The following CC2D1A variants were observed in gnomAD, a reference collection of about 807,000 sequenced individuals.
The protein encoded by CC2D1A is coiled-coil and C2 domain containing 1A, also known as coiled-coil and C2 domain-containing protein 1A.
Under a neutral mutation model 123.8 loss-of-function variants are expected in CC2D1A, and 68 were observed. That is an observed-to-expected ratio of 0.55 (90% CI 0.45 to 0.67). The LOEUF (loss-of-function observed/expected upper bound fraction) is 0.67, where lower values mean the gene tolerates loss of function less well. CC2D1A is among the 30% of genes least tolerant of loss of function. The pLI is 0.00. For missense variants in CC2D1A, 1,185 were observed against 1,290.3 expected, an observed-to-expected ratio of 0.92 and a Z score of 1.25; for synonymous variants, 477 against 528.0, an observed-to-expected ratio of 0.90 and a Z score of 1.32.
At chr19:13,928,407 T>C (rs539127478) in intron 24 of CC2D1A, among the ~76,000 whole-genome samples, 2 of 152,108 alleles carry the variant, frequency 1.3e-5, no homozygotes, top group Non-Finnish European at 2.9e-5. Flanking sequence ...GGCTTCTCTC[T>C]CCCTACTCCC....
chr19:13,921,567 C>T (rs1476176398), intron 14 of CC2D1A, among the ~76,000 whole-genome samples: 1 of 152,016 alleles, frequency 6.6e-6, no homozygotes, highest in East Asian at 1.9e-4. Context: ...TAATAGGAAA[C>T]ATTTGAGGAG....
Position 13,923,462 on chromosome 19 carries a change from G to T in CC2D1A, c.1764+7G>T. On this transcript the variant is annotated splice_region_variant and intron_variant, in intron 15 of 28. Coordinates refer to ENST00000318003, the MANE Select transcript of CC2D1A (RefSeq NM_017721.5). The surrounding 1 kb of genome is among the most constrained non-coding windows in gnomAD (Gnocchi z 5.3). Reference sequence around the variant, plus strand: ...CATACGGCAGCAGCACGAGGTGAGGGGGAGGCCCCCAGCCCATCCCCCAGG... The same window carrying T: ...CATACGGCAGCAGCACGAGGTGAGGTGGAGGCCCCCAGCCCATCCCCCAGG... The T allele has an allele frequency of 6.2e-7, 1 of 1,614,096 alleles. No individual in the cohort carries two copies. The highest frequency in any genetic ancestry group is 8.5e-7 in the Non-Finnish European group (1 of 1,180,020).
chr19:13,928,856 G>A (rs1432180430), intron 24 of CC2D1A, among the ~76,000 whole-genome samples: 1 of 151,466 alleles, frequency 6.6e-6, no homozygotes, highest in Non-Finnish European at 1.5e-5. Flanking sequence ...TTACAGGCAT[G>A]CGCCACCACA....
Position 13,909,950 on chromosome 19 carries a change from A to G in CC2D1A, c.188A>G (p.Lys63Arg), listed in dbSNP as rs1599377912. ...GGQPPALEKL[K>R]GKGPLPMEAI... Reference sequence around the variant, plus strand: ...CAGCCCCCAGCCCTGGAGAAGCTCAAAGGCAAAGGTGAGATGGTTAACACA... The same window carrying G: ...CAGCCCCCAGCCCTGGAGAAGCTCAGAGGCAAAGGTGAGATGGTTAACACA... Residue 63 changes from lysine to arginine, a missense_variant, in exon 2 of 29, where the codon AAA (lysine) becomes AGA (arginine). Coordinates refer to ENST00000318003, the MANE Select transcript of CC2D1A (RefSeq NM_017721.5). The G allele has an allele frequency of 2.6e-6, 4 of 1,516,634 alleles. No homozygotes were observed. The East Asian group carries it at 6.8e-5, about 26-fold the overall frequency. The allele number at this position is 1,516,634 out of a possible 1,614,324, so 93.9% of individuals were successfully genotyped here. A position where few individuals can be genotyped will look rare whatever the true frequency, so the allele number is the denominator to read the frequency against.
At position 13,913,312 on chromosome 19, in the gene CC2D1A, C is replaced by T. The variant is rs1475212293; in HGVS notation, c.513+10C>T. ...CGATCGGGGGCTTAAAGTAAGTGGG[C>T]AGAGGGCAGGGTACAGGGACCCCCC... On this transcript the variant is annotated intron_variant, in intron 5 of 28. Transcript: ENST00000318003. 1.9e-6 allele frequency: 3 copies of T among 1,601,558 alleles called. No homozygotes were observed. Among genetic ancestry groups the T allele is most frequent in the South Asian group, 1.1e-5 (1 of 90,476 alleles).
At chr19:13,921,436 G>A (rs1971407431) in intron 14 of CC2D1A, among the ~76,000 whole-genome samples, 1 of 152,142 alleles carries the variant, frequency 6.6e-6, no homozygotes, top group South Asian at 2.1e-4. Flanking sequence ...CTTAGATTCT[G>A]CCACTTAGGA....
Position 13,923,548 on chromosome 19 carries a change from A to G in CC2D1A, c.1765A>G (p.Met589Val). Reference sequence around the variant, plus strand: ...GACTCACTGCCTTCTGTTTCCCCAGATGTGCCTGAACCACTCAAACCAATT... The same window carrying G: ...GACTCACTGCCTTCTGTTTCCCCAGGTGTGCCTGAACCACTCAAACCAATT... ...LTKLIRQQHEMCLNHSNQFTQ... is the reference protein window; with the variant it reads ...LTKLIRQQHEVCLNHSNQFTQ... The change falls in exon 16 of 29, where the codon ATG (methionine) becomes GTG (valine). Residue 589 changes from methionine (M) to valine (V), a missense_variant and splice_region_variant. Coordinates refer to ENST00000318003, the MANE Select transcript of CC2D1A (RefSeq NM_017721.5). This position sits in a 1 kb window ranked among gnomAD's most constrained non-coding sequence, Gnocchi z 5.3. The G allele has an allele frequency of 5.0e-6, 8 of 1,613,928 alleles. No homozygotes were observed. Among genetic ancestry groups the G allele is most frequent in the Non-Finnish European group, 5.1e-6 (6 of 1,180,010 alleles).
At chr19:13,921,778 A>C (rs1971420686) in intron 14 of CC2D1A, among the ~76,000 whole-genome samples, 1 of 152,140 alleles carries the variant, frequency 6.6e-6, no homozygotes, top group Admixed American at 6.6e-5. Flanking sequence ...GGTGGGTCAC[A>C]CCTGTAATTC....
chr19:13,913,582 C>A lies in CC2D1A; in HGVS notation c.692C>A (p.Pro231His). 1 of 1,613,892 alleles carries A rather than the reference C, an allele frequency of 6.2e-7. No homozygotes were observed. The highest frequency in any genetic ancestry group is 8.5e-7 in the Non-Finnish European group (1 of 1,179,930). The change falls in exon 6 of 29, where the codon CCT (proline) becomes CAT (histidine). Residue 231 changes from proline (P) to histidine (H), a missense_variant. Coordinates refer to ENST00000318003, the MANE Select transcript of CC2D1A (RefSeq NM_017721.5). ...APEPRVTLEG[P>H]SATAPASSPG... is the part of the protein sequence containing the mutation. ...GAGCCCAGGGTCACCCTGGAGGGAC[C>A]TTCTGCCACCGCCCCAGCCTCATCT...
At position 13,923,830 on chromosome 19, in the gene CC2D1A, G is replaced by C; in HGVS notation, c.1940+19G>C. 2 of 1,580,034 alleles carry C rather than the reference G, an allele frequency of 1.3e-6. No individual in the cohort carries two copies. The highest frequency in any genetic ancestry group is 1.3e-5 in the African/African-American group (1 of 74,340). ...TCATCAAGTAAGGCTCCTGATCTAC[G>C]CCCCACCACGTGGCCCCAGTGGCCC... is the stretch of plus-strand genomic sequence containing the variant. On this transcript the variant is annotated intron_variant, in intron 17 of 28. Transcript: ENST00000318003. This position sits in a 1 kb window ranked among gnomAD's most constrained non-coding sequence, Gnocchi z 5.3.
Position 13,906,204 on chromosome 19 carries a change from G to C in CC2D1A, c.-238G>C. The C allele has an allele frequency of 2.4e-6, 1 of 422,180 alleles. No individual in the cohort carries two copies. The highest frequency in any genetic ancestry group is 5.1e-5 in the South Asian group (1 of 19,714). 26.2% of individuals were successfully genotyped at this position (422,180 alleles called of 1,614,324 possible). The stretch of plus-strand genomic sequence containing the variant: ...CACGCACTACCTGCCGGGAGTTGTA[G>C]TTTCGGCTCGGCAGACCCGGCGAGC... On this transcript the variant is annotated 5_prime_UTR_variant, in exon 1 of 29. Transcript: ENST00000318003. The surrounding 1 kb of genome is among the most constrained non-coding windows in gnomAD (Gnocchi z 4.1).
chr19:13,913,755 C>T (rs1350508930), intron 6 of CC2D1A, 117 bp downstream of exon 6: 2 of 743,808 alleles, frequency 2.7e-6, no homozygotes, highest in Non-Finnish European at 4.3e-6. Context: ...CACCCTGAGT[C>T]CTGGGGTCTT....
Position 13,923,595 on chromosome 19 carries a change from T to C in CC2D1A, c.1812T>C (p.Thr604=). ...SNQFTQLGNI[T]ETTKFEKLAE... ...AATTCACCCAGCTGGGCAACATCAC[T>C]GAAACCACCAAGTAAGTGCCCTGAC... Residue 604 remains threonine (T), a synonymous_variant, in exon 16 of 29, where the codon ACT becomes ACC. Coordinates refer to ENST00000318003, the MANE Select transcript of CC2D1A (RefSeq NM_017721.5). The surrounding 1 kb of genome is among the most constrained non-coding windows in gnomAD (Gnocchi z 5.3). 1 of 1,614,026 alleles carries C rather than the reference T, an allele frequency of 6.2e-7. No homozygotes were observed. The highest frequency in any genetic ancestry group is 1.1e-5 in the South Asian group (1 of 91,076).
chr19:13,922,518 T>A lies in CC2D1A; in HGVS notation c.1642-815T>A, dbSNP rs144034828. 1.6e-4 allele frequency among the ~76,000 whole-genome samples: 25 copies of A among 152,198 alleles called. 1 individual carries two copies. In the East Asian group the frequency reaches 4.8e-3, roughly 29 times the overall value. On this transcript the variant is annotated intron_variant, in intron 14 of 28. Coordinates refer to ENST00000318003, the MANE Select transcript of CC2D1A (RefSeq NM_017721.5). ...GAGGCCTACCCTGAGCTGTCTAAAATCCCTCCCTGTCACCCAGATCCCTCT... is the reference window on the plus strand; with the variant it reads ...GAGGCCTACCCTGAGCTGTCTAAAAACCCTCCCTGTCACCCAGATCCCTCT...
Position 13,912,317 on chromosome 19 carries a change from C to G in CC2D1A, c.197-6C>G. On this transcript the variant is annotated splice_polypyrimidine_tract_variant and splice_region_variant and intron_variant, in intron 2 of 28. Transcript: ENST00000318003. ...TGGTCCACCTGGGGCATCCCCCTACCGCCAGGTCCCTTGCCGATGGAGGCC... is the reference window on the plus strand; with the variant it reads ...TGGTCCACCTGGGGCATCCCCCTACGGCCAGGTCCCTTGCCGATGGAGGCC... The G allele has an allele frequency of 6.3e-7, 1 of 1,588,984 alleles. No homozygotes were observed. The highest frequency in any genetic ancestry group is 1.1e-5 in the South Asian group (1 of 87,560).
chr19:13,917,144 T>C (rs1030631090), intron 6 of CC2D1A, among the ~76,000 whole-genome samples: 2 of 152,176 alleles, frequency 1.3e-5, no homozygotes, highest in Non-Finnish European at 2.9e-5. Context: ...AGACTCAAAA[T>C]TCCCAACTGC....
chr19:13,926,436 G>A, intron 17 of CC2D1A, 81 bp from the exon 18 acceptor site: 6 of 1,361,996 alleles, frequency 4.4e-6, no homozygotes, highest in African/African-American at 1.4e-5. Context: ...CCCCACTGGG[G>A]GAAGAGAAGG....
chr19:13,928,156 T>G lies in CC2D1A; in HGVS notation c.2487T>G (p.Pro829=). 6.2e-7 allele frequency: 1 copy of G among 1,607,806 alleles called. No individual in the cohort carries two copies. The change falls in exon 24 of 29, where the codon CCT becomes CCG. Residue 829 remains proline, a synonymous_variant. Transcript: ENST00000318003. The part of the protein sequence containing the change: ...QVAGPKGKAP[P]VPAPARESGN... ...CTGGGCCCAAAGGGAAGGCCCCTCC[T>G]GTGCCTGCCCCTGCAAGGGAGTCAG...
chr19:13,925,970 ATATGTG>A (rs1971593917), intron 17 of CC2D1A, among the ~76,000 whole-genome samples: 8 of 114,318 alleles, frequency 7.0e-5, no homozygotes, highest in African/African-American at 3.1e-4. Flanking sequence ...ACACGTATAT[ATATGTG>A]TATATATATA....
Sources: gnomAD v4.1 joint callset for allele counts (sites outside exome capture counted in the v4.1 genomes callset) on GRCh38, gnomAD v4.1.1 for gene constraint, Gnocchi (gnomAD v3.1) non-coding constraint, MANE v1.5 for transcripts, NCBI Gene and HGNC (gene_info 2026-07-23, HGNC 2026-07-21) for gene names.